Variants in SLC4A4 observed in about 807,000 individuals in gnomAD.
SLC4A4 encodes the protein electrogenic sodium bicarbonate cotransporter 1.
Under a neutral mutation model 111.5 loss-of-function variants are expected in SLC4A4, and 27 were observed. That is an observed-to-expected ratio of 0.24 (90% confidence interval 0.18 to 0.33). SLC4A4 has a LOEUF of 0.33. Among genes scored for constraint, SLC4A4 ranks in the 10% least tolerant of loss-of-function variants. SLC4A4 has a pLI of 1.00. For missense variants in SLC4A4, 909 were observed against 1,315.5 expected, an observed-to-expected ratio of 0.69 and a Z score of 4.78; for synonymous variants, 443 against 463.4, an observed-to-expected ratio of 0.96 and a Z score of 0.57.
chr4:71,567,939 GT>G lies in SLC4A4; in HGVS notation c.*193del. On this transcript the variant is annotated 3_prime_UTR_variant, in exon 26 of 26. Transcript: ENST00000264485. ...CTGACATTTGTTGTTAATGTCATTT[GT>G]TTTTGTTTGGCTGTTTGTTTATTTT... is the stretch of plus-strand genomic sequence containing the variant. 8.9e-7 allele frequency: 1 copy of G among 1,129,040 alleles called. No homozygotes were observed. Among genetic ancestry groups the G allele is most frequent in the Admixed American group, 2.4e-5 (1 of 41,188 alleles). The allele number at this position is 1,129,040 out of a possible 1,614,324, so 69.9% of individuals were successfully genotyped here. A position where few individuals can be genotyped will look rare whatever the true frequency, so the allele number is the denominator to read the frequency against.
rs191089919 is a variant in SLC4A4 at position 71,279,163 on chromosome 4, G to A, written c.253+23764G>A. Among the ~76,000 whole-genome samples, 13 of 152,156 alleles carry A rather than the reference G, an allele frequency of 8.5e-5. No homozygotes were observed. In the East Asian group the frequency reaches 2.3e-3, roughly 27 times the overall value. ...ATTAACTATAGTCACCTTGCTGTAC[G>A]ATAGATCTCCAGAACTTACTCATCC... On this transcript the variant is annotated intron_variant, in intron 3 of 25. Coordinates refer to ENST00000264485, the MANE Select transcript of SLC4A4 (RefSeq NM_001098484.3).
At chr4:71,232,394 A>G (rs540497614) in intron 1 of SLC4A4, among the ~76,000 whole-genome samples, 25 of 151,692 alleles carry the variant, frequency 1.6e-4, no homozygotes, top group Middle Eastern at 6.8e-3. Context: ...GCTGGTTTTT[A>G]TTTTCTCTTT....
intron 12 of SLC4A4, among the ~76,000 whole-genome samples, chr4:71,464,960 A>T (rs1577969082): frequency 2.6e-5 from 4 of 152,126 alleles, no homozygotes; most frequent in Admixed American, 2.6e-4. Flanking sequence ...ATTTTCTTTA[A>T]AAATGATAAG....
rs1258561239 is a variant in SLC4A4 at position 71,234,152 on chromosome 4, C to T, written c.-1-2424C>T. Among the ~76,000 whole-genome samples the T allele has an allele frequency of 5.9e-5, 9 of 152,314 alleles. No homozygotes were observed. The South Asian group carries it at 1.5e-3, about 25-fold the overall frequency. On this transcript the variant is annotated intron_variant, in intron 1 of 25. Coordinates refer to ENST00000264485, the MANE Select transcript of SLC4A4 (RefSeq NM_001098484.3). Reference sequence around the variant, plus strand: ...TCTCTGCTCAGTTGTCATCCAGAAGCCTCATGTGAACCACCCTGTGCCAAG... The same window carrying T: ...TCTCTGCTCAGTTGTCATCCAGAAGTCTCATGTGAACCACCCTGTGCCAAG...
intron 8 of SLC4A4, among the ~76,000 whole-genome samples, chr4:71,443,364 G>A (rs1724946129): frequency 6.6e-6 from 1 of 151,430 alleles, no homozygotes; most frequent in African/African-American, 2.4e-5. Context: ...TGGCCAGGCT[G>A]GTCTCAAACT....
chr4:71,127,894 G>A (rs537764709), intron 2 of SLC4A4, among the ~76,000 whole-genome samples: 2 of 152,276 alleles, frequency 1.3e-5, no homozygotes, highest in South Asian at 2.1e-4. Context: ...GAGCCAAGGC[G>A]GGAGGATCAT....
intron 3 of SLC4A4, among the ~76,000 whole-genome samples, chr4:71,269,597 T>C (rs945461685): frequency 6.6e-6 from 1 of 152,184 alleles, no homozygotes; most frequent in African/African-American, 2.4e-5. Context: ...TAGCAAGTAG[T>C]TGGTGTTAGG....
rs575863205 is a variant in SLC4A4, at chr4:71,189,666, A to G, written c.-2+2265A>G. Among the ~76,000 whole-genome samples, 19 of 152,360 alleles carry G rather than the reference A, an allele frequency of 1.2e-4. No individual in the cohort carries two copies. In the South Asian group the frequency reaches 3.5e-3, roughly 28 times the overall value. On this transcript the variant is annotated intron_variant, in intron 1 of 25. Transcript: ENST00000264485. Reference sequence around the variant, plus strand: ...GCACACTAGCTGGTGAATCATGTAAATAAACAGGATTCCTTGCCTGCCTCT... The same window carrying G: ...GCACACTAGCTGGTGAATCATGTAAGTAAACAGGATTCCTTGCCTGCCTCT...
At chr4:71,360,420 T>C (rs896818766) in intron 6 of SLC4A4, among the ~76,000 whole-genome samples, 7 of 152,146 alleles carry the variant, frequency 4.6e-5, no homozygotes, top group African/African-American at 1.7e-4. Context: ...CATTTAAAAG[T>C]GTAAAGTGTC....
intron 1 of SLC4A4, among the ~76,000 whole-genome samples, chr4:71,223,377 G>T (rs1435212805): frequency 6.6e-6 from 1 of 151,492 alleles, no homozygotes; most frequent in South Asian, 2.1e-4. Flanking sequence ...GGTTTTCACC[G>T]TGGTCTCAAT....
chr4:71,485,673 C>T (rs1353445403), intron 14 of SLC4A4, among the ~76,000 whole-genome samples: 1 of 151,504 alleles, frequency 6.6e-6, no homozygotes, highest in East Asian at 1.9e-4. Flanking sequence ...TCTTGAAAGA[C>T]CAGAGTGAAT....
chr4:71,089,300 A>C (rs1408148155), intron 1 of SLC4A4, among the ~76,000 whole-genome samples: 1 of 151,794 alleles, frequency 6.6e-6, no homozygotes, highest in African/African-American at 2.4e-5. Flanking sequence ...CCATTTGTCT[A>C]ATTTTTTTTC....
intron 20 of SLC4A4, among the ~76,000 whole-genome samples, chr4:71,550,380 C>T (rs1444951250): frequency 6.6e-6 from 1 of 151,776 alleles, no homozygotes; most frequent in Non-Finnish European, 1.5e-5. Context: ...ATCACAAATC[C>T]CTTGTTAGCT....
chr4:71,470,530 C>G (rs1031297610), intron 13 of SLC4A4, among the ~76,000 whole-genome samples: 2 of 151,908 alleles, frequency 1.3e-5, no homozygotes. Context: ...TCAGGAAAGG[C>G]CTTAAAACTC....
intron 1 of SLC4A4, among the ~76,000 whole-genome samples, chr4:71,074,437 A>G (rs1741753673): frequency 6.6e-6 from 1 of 152,242 alleles, no homozygotes. Flanking sequence ...CCACAAAACA[A>G]ACTTCATTGT....
intron 3 of SLC4A4, among the ~76,000 whole-genome samples, chr4:71,272,701 G>A (rs921746705): frequency 3.3e-5 from 5 of 152,068 alleles, no homozygotes; most frequent in African/African-American, 1.2e-4. Context: ...ACATCATAAC[G>A]CATGAAGGAT....
At chr4:71,250,764 G>C (rs1721008686) in intron 2 of SLC4A4, among the ~76,000 whole-genome samples, 1 of 152,128 alleles carries the variant, frequency 6.6e-6, no homozygotes, top group African/African-American at 2.4e-5. Context: ...TATAAATATA[G>C]TATGTTTTAC....
chr4:71,377,627 G>T (rs1732529065), intron 6 of SLC4A4, among the ~76,000 whole-genome samples: 1 of 152,154 alleles, frequency 6.6e-6, no homozygotes, highest in Non-Finnish European at 1.5e-5. Context: ...GCTACTATAT[G>T]TGTAATGTGG....
At chr4:71,166,399 A>G (rs1265016347) in intron 2 of SLC4A4, among the ~76,000 whole-genome samples, 1 of 152,228 alleles carries the variant, frequency 6.6e-6, no homozygotes, top group Non-Finnish European at 1.5e-5. Context: ...AATAACAAAG[A>G]CCAAATTCTG....
Sources: allele counts gnomAD v4.1 joint callset (sites outside exome capture counted in the v4.1 genomes callset), GRCh38; gene constraint gnomAD v4.1.1; transcripts MANE v1.5; gene names NCBI Gene and HGNC (gene_info 2026-07-23, HGNC 2026-07-21).